The following RNMT variants were observed in gnomAD, a reference collection of about 807,000 sequenced individuals.
RNMT encodes the protein RNA guanine-7 methyltransferase, also known as mRNA cap guanine-N(7) methyltransferase.
In RNMT, 27 loss-of-function variants were observed where a neutral mutation model predicts 56.0. The observed-to-expected ratio is 0.48, with a 90% CI of 0.36 to 0.67. The LOEUF (loss-of-function observed/expected upper bound fraction) is 0.67, where lower values mean the gene tolerates loss of function less well. RNMT is among the 30% of genes least tolerant of loss of function. The pLI, the probability that RNMT is intolerant of heterozygous loss-of-function variation, is 0.00. For missense variants in RNMT, 519 were observed against 552.1 expected (o/e 0.94, Z 0.60); for synonymous variants, 184 against 176.2 (o/e 1.04, Z -0.35).
chr18:13,753,190 C>T (rs1346330311), intron 10 of RNMT, among the ~76,000 whole-genome samples: 1 of 152,092 alleles, frequency 6.6e-6, no homozygotes, highest in Non-Finnish European at 1.5e-5. Flanking sequence ...AAGATAGGGC[C>T]GGGTACAGTG....
chr18:13,733,666 C>T (rs920259732), intron 3 of RNMT, among the ~76,000 whole-genome samples: 3 of 152,208 alleles, frequency 2.0e-5, no homozygotes, highest in Non-Finnish European at 4.4e-5. Flanking sequence ...GTATGAGCCA[C>T]CTCACCCAGG....
intron 5 of RNMT, among the ~76,000 whole-genome samples, chr18:13,737,768 C>T (rs949100269): frequency 2.0e-5 from 3 of 151,020 alleles, no homozygotes; most frequent in South Asian, 2.1e-4. Flanking sequence ...CATTGTTCAC[C>T]CTTGAAGGTT....
In RNMT at chr18:13,738,945, G is replaced by A. The variant is rs566601776; in HGVS notation, c.680-1222G>A. ...ATCAGGTGTTAGATTCTCATAAGGA[G>A]TATGCAACCTAGCTTGCCTGCCACT... On this transcript the variant is annotated intron_variant, in intron 5 of 11. Coordinates refer to ENST00000383314, the MANE Select transcript of RNMT (RefSeq NM_003799.3). 6.6e-5 allele frequency among the ~76,000 whole-genome samples: 10 copies of A among 152,316 alleles called. No homozygotes were observed. The East Asian group carries it at 1.7e-3, about 26-fold the overall frequency.
At chr18:13,754,090 T>A (rs1178341387) in intron 10 of RNMT, 24 bp from the exon 11 acceptor site, 2 of 1,394,914 alleles carry the variant, frequency 1.4e-6, no homozygotes, top group Non-Finnish European at 2.0e-6. Flanking sequence ...TCTAAAATTT[T>A]CTTTTTCTCT....
At chr18:13,758,041 T>TAAAA (rs1229989808) in intron 11 of RNMT, among the ~76,000 whole-genome samples, 1 of 152,196 alleles carries the variant, frequency 6.6e-6, no homozygotes, top group Non-Finnish European at 1.5e-5. Flanking sequence ...AAAAGAATTT[T>TAAAA]ATTTTTCTGA....
chr18:13,740,054 C>T, intron 5 of RNMT, 113 bp from the exon 6 acceptor site: 1 of 671,802 alleles, frequency 1.5e-6, no homozygotes, highest in Non-Finnish European at 2.6e-6. Flanking sequence ...GGAAATAAAA[C>T]CTTTTCACTG....
At chr18:13,740,402 G>A (rs1044563911) in intron 6 of RNMT, 123 bp downstream of exon 6, 1 of 599,442 alleles carries the variant, frequency 1.7e-6, no homozygotes, top group African/African-American at 1.9e-5. Context: ...TTGAGACAGG[G>A]TCTTACTCTG....
At chr18:13,753,886 G>T (rs978748115) in intron 10 of RNMT, among the ~76,000 whole-genome samples, 1 of 149,808 alleles carries the variant, frequency 6.7e-6, no homozygotes, top group African/African-American at 2.5e-5. Flanking sequence ...CTTTGGATGA[G>T]AATTTGAGAA....
At chr18:13,732,974 G>C (rs770162841) in intron 3 of RNMT, among the ~76,000 whole-genome samples, 2 of 151,974 alleles carry the variant, frequency 1.3e-5, no homozygotes, top group Non-Finnish European at 2.9e-5. Flanking sequence ...TATTGGCCAG[G>C]CTGGTCTTGA....
In RNMT at chr18:13,740,237, A is replaced by G. The variant is rs2044231280; in HGVS notation, c.750A>G (p.Glu250=). ...YEDMKNRRDS[E]YIFSAEFITA... The stretch of plus-strand genomic sequence containing the variant: ...ACATGAAAAATCGTCGTGATAGTGA[A>G]TATATTTTCAGTGCAGAATTTATAA... Residue 250 remains glutamate (E), a synonymous_variant, in exon 6 of 12, where the codon GAA becomes GAG. Coordinates refer to ENST00000383314, the MANE Select transcript of RNMT (RefSeq NM_003799.3). The G allele has an allele frequency of 6.2e-7, 1 of 1,610,648 alleles. No homozygotes were observed. Among genetic ancestry groups the G allele is most frequent in the Admixed American group, 1.7e-5 (1 of 60,002 alleles).
In RNMT at chr18:13,741,623, A is replaced by C. The variant is rs2044252870; in HGVS notation, c.906A>C (p.Arg302Ser). The change falls in exon 7 of 12, where the codon AGA becomes AGC. Residue 302 changes from arginine (R) to serine (S), a missense_variant. Coordinates refer to ENST00000383314, the MANE Select transcript of RNMT (RefSeq NM_003799.3). Reference sequence around the variant, plus strand: ...ATGAGCAGGCTGACATGATGCTGAGAAATGCGTGTGAGAGACTTAGCCCTG... The same window carrying C: ...ATGAGCAGGCTGACATGATGCTGAGCAATGCGTGTGAGAGACTTAGCCCTG... The part of the protein sequence containing the change: ...ESYEQADMML[R>S]NACERLSPGG... 1.9e-6 allele frequency: 3 copies of C among 1,613,968 alleles called. No homozygotes were observed. The highest frequency in any genetic ancestry group is 2.5e-6 in the Non-Finnish European group (3 of 1,179,940).
At chr18:13,733,236 C>G (rs1046024995) in intron 3 of RNMT, among the ~76,000 whole-genome samples, 1 of 152,144 alleles carries the variant, frequency 6.6e-6, no homozygotes, top group Non-Finnish European at 1.5e-5. Flanking sequence ...GTAGGAGGAT[C>G]CGAAGCCCTT....
In RNMT at chr18:13,748,115, A is replaced by T. The variant is rs538935712; in HGVS notation, c.1257+1778A>T. On this transcript the variant is annotated intron_variant, in intron 9 of 11. Coordinates refer to ENST00000383314, the MANE Select transcript of RNMT (RefSeq NM_003799.3). The stretch of plus-strand genomic sequence containing the variant: ...TGCAGTATTGAAGCATTCCAAGTGC[A>T]GTGAGTATATAAAGGGCCTTTTGGG... Among the ~76,000 whole-genome samples the T allele has an allele frequency of 2.0e-5, 3 of 152,358 alleles. No individual in the cohort carries two copies. In the South Asian group the frequency reaches 6.2e-4, roughly 32 times the overall value.
intron 10 of RNMT, 63 bp downstream of exon 10, chr18:13,752,490 A>G (rs1568512822): frequency 1.0e-6 from 1 of 995,456 alleles, no homozygotes; most frequent in Non-Finnish European, 1.5e-6. Flanking sequence ...TTATATGGAG[A>G]CATAGGAAAT....
chr18:13,740,105 A>C (rs763352887), intron 5 of RNMT, 62 bp from the exon 6 acceptor site: 2 of 972,824 alleles, frequency 2.1e-6, no homozygotes, highest in East Asian at 2.5e-5. Flanking sequence ...GTCAGTTGAG[A>C]TCAATGTCTA....
chr18:13,754,358 A>G (rs908694742), intron 11 of RNMT, among the ~76,000 whole-genome samples: 1 of 152,160 alleles, frequency 6.6e-6, no homozygotes, highest in African/African-American at 2.4e-5. Flanking sequence ...ATACAAAAAA[A>G]TTAGCCAGTC....
chr18:13,738,329 T>G (rs1345411661), intron 5 of RNMT, among the ~76,000 whole-genome samples: 2 of 152,230 alleles, frequency 1.3e-5, no homozygotes, highest in Non-Finnish European at 2.9e-5. Flanking sequence ...TTTTTGTAAA[T>G]CCCTTTAGAG....
intron 8 of RNMT, among the ~76,000 whole-genome samples, chr18:13,745,290 A>G (rs556096944): frequency 6.6e-6 from 1 of 152,282 alleles, no homozygotes; most frequent in African/African-American, 2.4e-5. Context: ...GCGATTGGAA[A>G]ATTCATTGAG....
intron 9 of RNMT, among the ~76,000 whole-genome samples, chr18:13,747,466 C>T (rs1008544660): frequency 2.6e-5 from 4 of 152,146 alleles, no homozygotes; most frequent in South Asian, 2.1e-4. Context: ...GCAATCCTCC[C>T]GCCTTGGCCT....
Sources: gnomAD v4.1 joint callset for allele counts (sites outside exome capture counted in the v4.1 genomes callset) on GRCh38, gnomAD v4.1.1 for gene constraint, MANE v1.5 for transcripts, NCBI Gene and HGNC (gene_info 2026-07-23, HGNC 2026-07-21) for gene names.